ZBTB20: variants seen among roughly 807,000 people sequenced by gnomAD.
The protein encoded by ZBTB20 is zinc finger and BTB domain containing 20.
A neutral mutation model predicts 56.9 loss-of-function variants in ZBTB20; 9 were observed. That is an observed-to-expected ratio of 0.16 (90% CI 0.10 to 0.28). The LOEUF (loss-of-function observed/expected upper bound fraction) is 0.28, where lower values mean the gene tolerates loss of function less well. ZBTB20 is among the 10% of genes least tolerant of loss of function. ZBTB20 has a pLI of 1.00. For missense variants in ZBTB20, 655 were observed against 1,003.0 expected, an observed-to-expected ratio of 0.65 and a Z score of 4.69; for synonymous variants, 417 against 420.7, an observed-to-expected ratio of 0.99 and a Z score of 0.11.
At chr3:114,640,334 C>G (rs1016527394) in intron 6 of ZBTB20, among the ~76,000 whole-genome samples, 1 of 152,074 alleles carries the variant, frequency 6.6e-6, no homozygotes, top group African/African-American at 2.4e-5. Flanking sequence ...CTAATTAGGT[C>G]TTGAATGAAT....
At chr3:114,931,056 GCTGCAGGCGAAGGTTC>G (rs1380568943) in intron 3 of ZBTB20, 1 of 170,672 alleles carries the variant, frequency 5.9e-6, no homozygotes, top group Admixed American at 6.5e-5. Context: ...TGCCGGCCCT[GCTGCAGGCGAAGGTTC>G]CTGCCTTACT....
chr3:115,000,078 T>G (rs2079187659), intron 2 of ZBTB20, among the ~76,000 whole-genome samples: 1 of 151,622 alleles, frequency 6.6e-6, no homozygotes, highest in South Asian at 2.1e-4. Context: ...TGCCATCTCG[T>G]AGAGTGCTAT....
At chr3:114,393,929 G>A (rs1297035264) in intron 7 of ZBTB20, among the ~76,000 whole-genome samples, 1 of 152,206 alleles carries the variant, frequency 6.6e-6, no homozygotes, top group African/African-American at 2.4e-5. Flanking sequence ...AGCCCTTAGA[G>A]AGCAGAGCTG....
At chr3:114,696,234 T>A (rs2063003261) in intron 5 of ZBTB20, among the ~76,000 whole-genome samples, 1 of 152,086 alleles carries the variant, frequency 6.6e-6, no homozygotes, top group African/African-American at 2.4e-5. Flanking sequence ...TAAGACAGTG[T>A]TAAACAAATT....
At chr3:114,663,466 A>T (rs1257621494) in intron 6 of ZBTB20, among the ~76,000 whole-genome samples, 3 of 149,608 alleles carry the variant, frequency 2.0e-5, no homozygotes, top group Non-Finnish European at 4.5e-5. Context: ...GAGACTAGGA[A>T]GAAACTGCAT....
At chr3:114,649,384 T>C (rs992981165) in intron 6 of ZBTB20, among the ~76,000 whole-genome samples, 1 of 152,036 alleles carries the variant, frequency 6.6e-6, no homozygotes, top group African/African-American at 2.4e-5. Flanking sequence ...AAAGGGTAAG[T>C]AGAAAATCTT....
chr3:114,592,312 T>C (rs1387606638), intron 6 of ZBTB20, among the ~76,000 whole-genome samples: 9 of 152,148 alleles, frequency 5.9e-5, no homozygotes, highest in Admixed American at 5.9e-4. Flanking sequence ...AAAACTTACA[T>C]TGGGCTAAGA....
chr3:114,705,532 A>G (rs2063666577), intron 5 of ZBTB20, among the ~76,000 whole-genome samples: 1 of 152,182 alleles, frequency 6.6e-6, no homozygotes, highest in Non-Finnish European at 1.5e-5. Flanking sequence ...GGAAAATAGC[A>G]AAAGGAAGAA....
intron 1 of ZBTB20, among the ~76,000 whole-genome samples, chr3:115,105,279 A>G (rs2083688375): frequency 6.8e-6 from 1 of 146,538 alleles, no homozygotes; most frequent in Non-Finnish European, 1.5e-5. Flanking sequence ...TTAAAGCCTA[A>G]CAATTACCCT....
chr3:115,027,401 T>C (rs1303111690), intron 2 of ZBTB20: 2 of 150,952 alleles, frequency 1.3e-5, no homozygotes, highest in Non-Finnish European at 3.0e-5. Flanking sequence ...ATTCTGTCTC[T>C]TCCTATTCAA....
intron 11 of ZBTB20, among the ~76,000 whole-genome samples, chr3:114,340,704 G>T (rs1408657575): frequency 6.6e-6 from 1 of 152,094 alleles, no homozygotes. Flanking sequence ...CCTCATTCCT[G>T]ACTGCCCAGT....
At chr3:114,551,096 G>A (rs1002602994) in intron 6 of ZBTB20, among the ~76,000 whole-genome samples, 1 of 151,996 alleles carries the variant, frequency 6.6e-6, no homozygotes. Flanking sequence ...GAAACAAGGG[G>A]GGTTTGTAGA....
intron 2 of ZBTB20, among the ~76,000 whole-genome samples, chr3:115,004,194 CTG>C (rs1299810262): frequency 1.3e-5 from 2 of 151,596 alleles, no homozygotes; most frequent in African/African-American, 2.4e-5. Flanking sequence ...GAAATTAACT[CTG>C]TGCTACTGCC....
rs2079353125 is a variant in ZBTB20, at chr3:114,333,777, G to C, written c.*5228C>G. ...CCAGAAATCACTGAAAAGAGAGTCT[G>C]TCGACCCTGCCCATGGAAAAGCCCA... On this transcript the variant is annotated 3_prime_UTR_variant, in exon 12 of 12. Transcript: ENST00000675478. The C allele has an allele frequency of 6.6e-6, 1 of 152,138 alleles. No individual in the cohort carries two copies. The highest frequency in any genetic ancestry group is 1.5e-5 in the Non-Finnish European group (1 of 68,034). 9.4% of individuals were successfully genotyped at this position (152,138 alleles called of 1,614,324 possible). A position where few individuals can be genotyped will look rare whatever the true frequency, so the allele number is the denominator to read the frequency against.
chr3:114,752,416 C>G (rs2067637419), intron 5 of ZBTB20, among the ~76,000 whole-genome samples: 1 of 152,146 alleles, frequency 6.6e-6, no homozygotes, highest in African/African-American at 2.4e-5. Context: ...TAGTGCTATT[C>G]ACACTATCTG....
At chr3:114,671,119 G>C (rs1560108256) in intron 6 of ZBTB20, among the ~76,000 whole-genome samples, 1 of 152,100 alleles carries the variant, frequency 6.6e-6, no homozygotes, top group Non-Finnish European at 1.5e-5. Context: ...AAGTAGGCGT[G>C]CATTATTTTT....
chr3:114,385,258 T>C (rs181618349), intron 8 of ZBTB20, among the ~76,000 whole-genome samples: 46 of 152,194 alleles, frequency 3.0e-4, no homozygotes, highest in Admixed American at 2.5e-3. Context: ...CAACAATACA[T>C]TAAATAGGCT....
intron 6 of ZBTB20, among the ~76,000 whole-genome samples, chr3:114,693,145 T>C (rs2062798984): frequency 6.6e-6 from 1 of 152,156 alleles, no homozygotes; most frequent in African/African-American, 2.4e-5. Context: ...AACTTCACCC[T>C]ATCACTCTTT....
chr3:115,026,079 C>A (rs1415412747), intron 2 of ZBTB20, among the ~76,000 whole-genome samples: 1 of 150,862 alleles, frequency 6.6e-6, no homozygotes, highest in Non-Finnish European at 1.5e-5. Context: ...ACACATCTAA[C>A]AACATTTAAT....
Sources: gnomAD v4.1 joint callset for allele counts (sites outside exome capture counted in the v4.1 genomes callset) on GRCh38, gnomAD v4.1.1 for gene constraint, MANE v1.5 for transcripts, NCBI Gene and HGNC (gene_info 2026-07-23, HGNC 2026-07-21) for gene names.